Variants in AUTS2 observed in about 807,000 individuals in gnomAD.
AUTS2 encodes autism susceptibility gene 2 protein.
Under a neutral mutation model 112.4 loss-of-function variants are expected in AUTS2, and 17 were observed. The ratio of observed to expected loss-of-function variants is 0.15; its 90% CI spans 0.10 to 0.23. The LOEUF is 0.23. Ranked by LOEUF, AUTS2 falls within the 10% of genes least tolerant of loss-of-function variation. The probability of loss-of-function intolerance (pLI) is 1.00; values close to 1 mark genes in which losing one functional copy is unlikely to be tolerated. For missense variants in AUTS2, 1,510 were observed against 1,701.6 expected, an observed-to-expected ratio of 0.89 and a Z score of 1.98; for synonymous variants, 751 against 702.7, an observed-to-expected ratio of 1.07 and a Z score of -1.09.
At chr7:69,935,411 A>T (rs75247283) in intron 2 of AUTS2, among the ~76,000 whole-genome samples, 1 of 152,210 alleles carries the variant, frequency 6.6e-6, no homozygotes, top group East Asian at 1.9e-4. Context: ...AGCCTTTTCA[A>T]AATTTTTTTA....
intron 1 of AUTS2, among the ~76,000 whole-genome samples, chr7:69,814,851 C>T (rs560779423): frequency 6.6e-6 from 1 of 152,330 alleles, no homozygotes; most frequent in East Asian, 1.9e-4. Context: ...ATGCTCCGCC[C>T]TTGACAGTGT....
At chr7:69,920,564 G>T (rs1034538123) in intron 2 of AUTS2, among the ~76,000 whole-genome samples, 5 of 152,172 alleles carry the variant, frequency 3.3e-5, no homozygotes, top group African/African-American at 1.2e-4. Flanking sequence ...TGGATTACAG[G>T]TGTAAGCCAC....
chr7:70,572,253 A>G (rs1801974856), intron 5 of AUTS2, among the ~76,000 whole-genome samples: 1 of 151,900 alleles, frequency 6.6e-6, no homozygotes, highest in African/African-American at 2.4e-5. Flanking sequence ...GATGCAGACG[A>G]GGTGGGAGGG....
At position 69,790,587 on chromosome 7, in the gene AUTS2, C is replaced by G. The variant is rs1439273831; in HGVS notation, c.310-108699C>G. The stretch of plus-strand genomic sequence containing the variant: ...AGCTATAACTCTATTTTTCAGTTTT[C>G]TCACCTGAAAAATTATAATGATACC... On this transcript the variant is annotated intron_variant, in intron 1 of 18. Transcript: ENST00000342771. 6.6e-5 allele frequency among the ~76,000 whole-genome samples: 10 copies of G among 152,270 alleles called. No individual in the cohort carries two copies. In the East Asian group the frequency reaches 1.9e-3, roughly 29 times the overall value.
intron 1 of AUTS2, among the ~76,000 whole-genome samples, chr7:69,723,189 C>T (rs1021175593): frequency 1.3e-5 from 2 of 152,008 alleles, no homozygotes; most frequent in East Asian, 3.9e-4. Context: ...CCACTTTAGC[C>T]TTGATCATTT....
At chr7:70,126,847 T>C in intron 3 of AUTS2, among the ~76,000 whole-genome samples, 1 of 152,154 alleles carries the variant, frequency 6.6e-6, no homozygotes, top group East Asian at 1.9e-4. Context: ...AGTCTTGCTG[T>C]GTCGCCCAGG....
chr7:70,696,996 A>G (rs1809150334), intron 5 of AUTS2, among the ~76,000 whole-genome samples: 1 of 152,182 alleles, frequency 6.6e-6, no homozygotes, highest in South Asian at 2.1e-4. Flanking sequence ...TAAAATACAC[A>G]TATCTCGAGT....
intron 1 of AUTS2, among the ~76,000 whole-genome samples, chr7:69,620,379 G>A (rs749309031): frequency 3.2e-4 from 49 of 152,310 alleles, no homozygotes; most frequent in Non-Finnish European, 5.0e-4. Flanking sequence ...GATGAATACC[G>A]TCAGATGGAC....
chr7:69,887,215 A>C (rs1032881628), intron 1 of AUTS2, among the ~76,000 whole-genome samples: 2 of 151,866 alleles, frequency 1.3e-5, no homozygotes, highest in African/African-American at 4.8e-5. Context: ...GGAGTTGGAG[A>C]CCAGCCTGGC....
At chr7:70,649,131 C>A (rs1223620597) in intron 5 of AUTS2, among the ~76,000 whole-genome samples, 1 of 151,810 alleles carries the variant, frequency 6.6e-6, no homozygotes, top group African/African-American at 2.4e-5. Context: ...GTGGCTCATG[C>A]CTGTAATCCC....
chr7:70,711,635 G>T (rs1810055471), intron 6 of AUTS2, among the ~76,000 whole-genome samples: 1 of 152,182 alleles, frequency 6.6e-6, no homozygotes, highest in African/African-American at 2.4e-5. Flanking sequence ...TGAACAGTGG[G>T]TTGTGCTGAC....
intron 2 of AUTS2, among the ~76,000 whole-genome samples, chr7:69,956,916 G>T (rs1284368709): frequency 6.7e-6 from 1 of 149,484 alleles, no homozygotes; most frequent in Non-Finnish European, 1.5e-5. Flanking sequence ...AGGCTGTAAT[G>T]CAGTGGTGTG....
chr7:70,245,808 G>T (rs867440753), intron 4 of AUTS2, among the ~76,000 whole-genome samples: 1 of 151,936 alleles, frequency 6.6e-6, no homozygotes, highest in African/African-American at 2.4e-5. Flanking sequence ...ACTAGATAAC[G>T]CTAAGTTGAT....
At chr7:70,367,339 G>A (rs576822677) in intron 4 of AUTS2, among the ~76,000 whole-genome samples, 18 of 152,010 alleles carry the variant, frequency 1.2e-4, no homozygotes, top group East Asian at 7.8e-4. Flanking sequence ...AGTGGATCAC[G>A]AGGTCAGGAG....
intron 4 of AUTS2, among the ~76,000 whole-genome samples, chr7:70,329,782 G>A (rs185919581): frequency 2.0e-4 from 31 of 151,932 alleles, no homozygotes; most frequent in Non-Finnish European, 2.8e-4. Flanking sequence ...GTCTTAGCCT[G>A]TTTATTCTGT....
At chr7:69,728,270 C>A (rs1301478641) in intron 1 of AUTS2, among the ~76,000 whole-genome samples, 2 of 152,206 alleles carry the variant, frequency 1.3e-5, no homozygotes. Flanking sequence ...GGCTCCTATT[C>A]CTGATTATTC....
chr7:69,901,703 A>G (rs1345972769), intron 2 of AUTS2, among the ~76,000 whole-genome samples: 3 of 152,238 alleles, frequency 2.0e-5, no homozygotes, highest in African/African-American at 7.2e-5. Flanking sequence ...GTATTTTCTT[A>G]CCTTCAGTGT....
intron 5 of AUTS2, among the ~76,000 whole-genome samples, chr7:70,640,572 G>GGT (rs56257017): frequency 0.043 from 6,514 of 149,980 alleles, 426 homozygotes; most frequent in African/African-American, 0.14. Flanking sequence ...CAGAACTAAT[G>GGT]GTGTGTGTGT....
chr7:69,682,277 G>A (rs565667107), intron 1 of AUTS2, among the ~76,000 whole-genome samples: 1 of 152,322 alleles, frequency 6.6e-6, no homozygotes, highest in Admixed American at 6.5e-5. Context: ...GAACAGTAGA[G>A]ATTATGCTTT....
Sources: gnomAD v4.1 joint callset for allele counts (sites outside exome capture counted in the v4.1 genomes callset) on GRCh38, gnomAD v4.1.1 for gene constraint, MANE v1.5 for transcripts, NCBI Gene and HGNC (gene_info 2026-07-23, HGNC 2026-07-21) for gene names.